The following GALNT13 variants were observed in gnomAD, a reference collection of about 807,000 sequenced individuals.
GALNT13 encodes polypeptide N-acetylgalactosaminyltransferase 13, also known as UDP-GalNAc:polypeptide N-acetylgalactosaminyltransferase 13.
Under a neutral mutation model 64.2 loss-of-function variants are expected in GALNT13, and 28 were observed. The ratio of observed to expected loss-of-function variants is 0.44; its 90% CI spans 0.32 to 0.60. GALNT13 has a LOEUF of 0.60. Ranked by LOEUF, GALNT13 falls within the 20% of genes least tolerant of loss-of-function variation. The pLI, the probability that GALNT13 is intolerant of heterozygous loss-of-function variation, is 0.05. For synonymous variants in GALNT13, 214 were observed against 224.6 expected, an observed-to-expected ratio of 0.95 and a Z score of 0.42; for missense variants, 577 against 669.8, an observed-to-expected ratio of 0.86 and a Z score of 1.53.
the GALNT13 span, among the ~76,000 whole-genome samples, chr2:153,212,176 T>C: frequency 4.6e-5 from 7 of 152,138 alleles, no homozygotes; most frequent in African/African-American, 1.7e-4. Flanking sequence ...TTTTTTTTTC[T>C]AGGTACATAT....
At chr2:154,344,977 C>T (rs1234865057) in intron 9 of GALNT13, among the ~76,000 whole-genome samples, 1 of 151,844 alleles carries the variant, frequency 6.6e-6, no homozygotes, top group Non-Finnish European at 1.5e-5. Context: ...ATAAGAAACT[C>T]AGAATATGTG....
At chr2:153,168,862 T>C in the GALNT13 span, among the ~76,000 whole-genome samples, 5 of 152,170 alleles carry the variant, frequency 3.3e-5, no homozygotes, top group Non-Finnish European at 7.3e-5. Context: ...ATTCATATAC[T>C]TTCAGTTGGT....
At chr2:153,156,840 TCTGGTATTGATA>T in the GALNT13 span, among the ~76,000 whole-genome samples, 1 of 152,158 alleles carries the variant, frequency 6.6e-6, no homozygotes, top group Non-Finnish European at 1.5e-5. Flanking sequence ...TAAAGACTTT[TCTGGTATTGATA>T]GAAAGTAAAA....
chr2:153,395,695 GT>G, the GALNT13 span, among the ~76,000 whole-genome samples: 1 of 152,106 alleles, frequency 6.6e-6, no homozygotes, highest in African/African-American at 2.4e-5. Context: ...GTTTGTCTTA[GT>G]TGAAAATTTG....
At chr2:153,793,965 A>G in the GALNT13 span, among the ~76,000 whole-genome samples, 4 of 152,172 alleles carry the variant, frequency 2.6e-5, no homozygotes, top group Non-Finnish European at 5.9e-5. Flanking sequence ...TGTTAATGCT[A>G]TATACAGTAT....
the GALNT13 span, among the ~76,000 whole-genome samples, chr2:153,775,571 T>C: frequency 6.6e-6 from 1 of 152,166 alleles, no homozygotes; most frequent in African/African-American, 2.4e-5. Flanking sequence ...ATAAACTTTC[T>C]TAATTTTTTT....
the GALNT13 span, among the ~76,000 whole-genome samples, chr2:153,778,056 C>T: frequency 1.3e-5 from 2 of 152,182 alleles, no homozygotes; most frequent in South Asian, 4.1e-4. Flanking sequence ...CCCAAGCTCT[C>T]CTCCAACTGC....
chr2:154,246,051 G>A (rs1689766836), intron 7 of GALNT13, 69 bp downstream of exon 7: 1 of 1,031,490 alleles, frequency 9.7e-7, no homozygotes. Flanking sequence ...ATAGATTTCT[G>A]TTCTAATGTT....
At chr2:154,141,329 T>G (rs1371183661) in intron 4 of GALNT13, among the ~76,000 whole-genome samples, 1 of 152,192 alleles carries the variant, frequency 6.6e-6, no homozygotes, top group Non-Finnish European at 1.5e-5. Flanking sequence ...TATTTTTACT[T>G]CATAAAGTCT....
chr2:153,996,886 A>G (rs1343064103), intron 3 of GALNT13, among the ~76,000 whole-genome samples: 3 of 151,924 alleles, frequency 2.0e-5, no homozygotes, highest in Non-Finnish European at 4.4e-5. Context: ...CTACGTGTGG[A>G]TATCTAGTTT....
At chr2:154,322,144 CTTTTTTTTTTTTT>C (rs70983718) in intron 9 of GALNT13, among the ~76,000 whole-genome samples, 1 of 16,612 alleles carries the variant, frequency 6.0e-5, no homozygotes. Context: ...AAAATATGTA[CTTTTTTTTTTTTT>C]TTTTTTTTTT....
chr2:153,832,372 G>A, the GALNT13 span, among the ~76,000 whole-genome samples: 6 of 152,214 alleles, frequency 3.9e-5, no homozygotes, highest in Admixed American at 6.5e-5. Flanking sequence ...TGAGAGTCTC[G>A]ATAGGTCAAT....
the GALNT13 span, among the ~76,000 whole-genome samples, chr2:153,351,122 A>G: frequency 6.6e-6 from 1 of 152,308 alleles, no homozygotes; most frequent in Non-Finnish European, 1.5e-5. Flanking sequence ...GAATGAGGAA[A>G]TAGAAAACAT....
At chr2:153,739,296 C>A in the GALNT13 span, among the ~76,000 whole-genome samples, 1 of 151,624 alleles carries the variant, frequency 6.6e-6, no homozygotes, top group Non-Finnish European at 1.5e-5. Context: ...CAAGTAAATT[C>A]ACATCCTAGT....
At position 154,192,817 on chromosome 2, in the gene GALNT13, T is replaced by C. The variant is rs190686419; in HGVS notation, c.312-49213T>C. ...TTGTGATTTACTTAAGGCTTATGTGTAGCTTGAAAAAGATGTTAAAATCTC... is the reference window on the plus strand; with the variant it reads ...TTGTGATTTACTTAAGGCTTATGTGCAGCTTGAAAAAGATGTTAAAATCTC... On this transcript the variant is annotated intron_variant, in intron 4 of 12. Transcript: ENST00000392825. Among the ~76,000 whole-genome samples, 208 of 152,348 alleles carry C rather than the reference T, an allele frequency of 1.4e-3. 2 individuals carry two copies. The highest frequency in any genetic ancestry group is 1.8e-3 in the Admixed American group (27 of 15,310).
chr2:153,720,394 C>A, the GALNT13 span, among the ~76,000 whole-genome samples: 50 of 146,898 alleles, frequency 3.4e-4, no homozygotes, highest in Middle Eastern at 0.01. Context: ...AACTCTAAAA[C>A]GCAGAGCGCC....
chr2:154,287,339 C>T (rs1292100107), intron 8 of GALNT13: 6 of 589,814 alleles, frequency 1.0e-5, no homozygotes, highest in African/African-American at 1.8e-5. Flanking sequence ...TTGGAAGCAG[C>T]GAGACATTGC....
At chr2:154,009,574 C>T (rs1668280366) in intron 3 of GALNT13, among the ~76,000 whole-genome samples, 1 of 151,276 alleles carries the variant, frequency 6.6e-6, no homozygotes, top group Non-Finnish European at 1.5e-5. Context: ...GACTGCAACC[C>T]CTGCCTCCTG....
At chr2:153,517,481 C>T in the GALNT13 span, among the ~76,000 whole-genome samples, 4 of 152,136 alleles carry the variant, frequency 2.6e-5, no homozygotes, top group East Asian at 5.8e-4. Context: ...GAGAAATGTT[C>T]AGAAGAGAGA....
Sources: allele counts gnomAD v4.1 joint callset (sites outside exome capture counted in the v4.1 genomes callset), GRCh38; gene constraint gnomAD v4.1.1; transcripts MANE v1.5; gene names NCBI Gene and HGNC (gene_info 2026-07-23, HGNC 2026-07-21).